Variants in PAX7 observed in about 807,000 individuals in gnomAD.
PAX7 encodes the protein paired box 7, also known as paired box protein Pax-7.
PAX7 carries 18 observed loss-of-function variants against 50.7 expected under a neutral mutation model. The observed-to-expected ratio is 0.36, with a 90% CI of 0.25 to 0.53. The LOEUF (loss-of-function observed/expected upper bound fraction) is 0.53, where lower values mean the gene tolerates loss of function less well. PAX7 is among the 20% of genes least tolerant of loss of function. The probability of loss-of-function intolerance (pLI) is 0.93; values close to 1 mark genes in which losing one functional copy is unlikely to be tolerated. For synonymous variants in PAX7, 310 were observed against 290.4 expected (o/e 1.07, Z -0.69); for missense variants, 644 against 702.9 (o/e 0.92, Z 0.95).
chr1:18,684,252 T>A (rs2088942236), intron 4 of PAX7, among the ~76,000 whole-genome samples: 1 of 152,134 alleles, frequency 6.6e-6, no homozygotes, highest in South Asian at 2.1e-4. Context: ...TCTCCTGGCC[T>A]CAGTGCTGGG....
chr1:18,707,403 CTTTTTTTCTTTCTTTTT>C (rs2089296551), intron 7 of PAX7, among the ~76,000 whole-genome samples: 1 of 102,936 alleles, frequency 9.7e-6, no homozygotes, highest in South Asian at 3.3e-4. Context: ...CTTTCCTTTT[CTTTTTTTCTTTCTTTTT>C]TTTTTTTTTT....
intron 7 of PAX7, among the ~76,000 whole-genome samples, chr1:18,732,052 T>C (rs1207213399): frequency 6.6e-6 from 1 of 152,226 alleles, no homozygotes; most frequent in Non-Finnish European, 1.5e-5. Flanking sequence ...CCTTTGCACT[T>C]GCTGACTTCT....
chr1:18,741,994 C>T (rs1233867214), intron 8 of PAX7, among the ~76,000 whole-genome samples: 8 of 152,084 alleles, frequency 5.3e-5, no homozygotes, highest in Admixed American at 2.6e-4. Flanking sequence ...CTGTAAGATG[C>T]GGATACCACC....
Position 18,634,517 on chromosome 1 carries a change from C to T in PAX7, c.300C>T (p.Ala100=). 1 of 1,613,964 alleles carries T rather than the reference C, an allele frequency of 6.2e-7. No individual in the cohort carries two copies. Among genetic ancestry groups the T allele is most frequent in the South Asian group, 1.1e-5 (1 of 91,082 alleles). The change falls in exon 2 of 9, where the codon GCC becomes GCT. Residue 100 remains alanine, a synonymous_variant. Transcript: ENST00000420770. The surrounding 1 kb of genome is among the most constrained non-coding windows in gnomAD (Gnocchi z 4.0). The stretch of plus-strand genomic sequence containing the variant: ...AGACCGGGTCCATCCGGCCTGGGGC[C>T]ATCGGCGGCAGCAAGCCCAGAGTGA... ...YQETGSIRPG[A]IGGSKPRQVA... is the part of the protein sequence containing the mutation.
Position 18,735,661 on chromosome 1 carries a change from G to T in PAX7, c.1185G>T (p.Ala395=), listed in dbSNP as rs138918372. 1.9e-6 allele frequency: 3 copies of T among 1,613,830 alleles called. No homozygotes were observed. Among genetic ancestry groups the T allele is most frequent in the South Asian group, 1.1e-5 (1 of 91,028 alleles). The change falls in exon 8 of 9, where the codon GCG becomes GCT. Residue 395 remains alanine, a synonymous_variant. Transcript: ENST00000420770. The surrounding 1 kb of genome is among the most constrained non-coding windows in gnomAD (Gnocchi z 4.0). Reference sequence around the variant, plus strand: ...TGAGCATCTTGGGCAACCCCAGTGCGGTGCCCCCGCAGCCACAGGCTGACT... The same window carrying T: ...TGAGCATCTTGGGCAACCCCAGTGCTGTGCCCCCGCAGCCACAGGCTGACT... ...QVMSILGNPS[A]VPPQPQADFS...
intron 8 of PAX7, among the ~76,000 whole-genome samples, chr1:18,744,539 A>G (rs1296259162): frequency 1.0e-5 from 1 of 97,072 alleles, no homozygotes; most frequent in African/African-American, 4.5e-5. Context: ...GGATAGATGG[A>G]CAGAATGGAT....
chr1:18,717,317 C>A (rs1017072712), intron 7 of PAX7, among the ~76,000 whole-genome samples: 4 of 152,168 alleles, frequency 2.6e-5, no homozygotes, highest in African/African-American at 7.2e-5. Flanking sequence ...GGGCAGGCGG[C>A]GAAGGGACGG....
intron 7 of PAX7, among the ~76,000 whole-genome samples, chr1:18,722,639 C>T (rs1314425493): frequency 5.9e-5 from 9 of 152,194 alleles, no homozygotes; most frequent in East Asian, 3.9e-4. Context: ...GGCGGCAGGG[C>T]GTCGACATAG....
chr1:18,692,766 G>C (rs979732031), intron 5 of PAX7, among the ~76,000 whole-genome samples: 1 of 152,230 alleles, frequency 6.6e-6, no homozygotes, highest in African/African-American at 2.4e-5. Context: ...AGATGCCTCA[G>C]GGCAGGGTGG....
At chr1:18,716,868 C>G (rs866717259) in intron 7 of PAX7, among the ~76,000 whole-genome samples, 14 of 151,286 alleles carry the variant, frequency 9.3e-5, no homozygotes, top group East Asian at 2.0e-4. Context: ...CCCTCTCCCC[C>G]ACCCCCGTGT....
rs549280757 is a variant in PAX7, at chr1:18,655,770, GGTGTGTGTGTGT to G, written c.586+19428_586+19439del. ...AGAGCCACTGGGGAGACTTGGAGAGGGTGTGTGTGTGTGTGTGTGTGTGTGTGTGTGTGTGTG... is the reference window on the plus strand; with the variant it reads ...AGAGCCACTGGGGAGACTTGGAGAGGGTGTGTGTGTGTGTGTGTGTGTGTG... On this transcript the variant is annotated intron_variant, in intron 4 of 8. Coordinates refer to ENST00000420770, the MANE Select transcript of PAX7 (RefSeq NM_001135254.2). 4.4e-3 allele frequency among the ~76,000 whole-genome samples: 635 copies of G among 143,664 alleles called. 8 individuals carry two copies. The highest frequency in any genetic ancestry group is 0.036 in the Admixed American group (522 of 14,508). The allele number at this position is 143,664 out of a possible 152,430, so 94.2% of individuals were successfully genotyped here.
intron 7 of PAX7, among the ~76,000 whole-genome samples, chr1:18,709,233 G>T (rs993141759): frequency 2.0e-5 from 3 of 152,064 alleles, no homozygotes; most frequent in East Asian, 1.9e-4. Context: ...CTTGGCTGGG[G>T]TCTGGAGGGC....
intron 7 of PAX7, among the ~76,000 whole-genome samples, chr1:18,725,341 G>C (rs537780858): frequency 1.4e-5 from 2 of 148,140 alleles, no homozygotes; most frequent in Non-Finnish European, 3.0e-5. Context: ...GGCCAGGGGG[G>C]CCTGAGAGCC....
At chr1:18,728,147 G>A (rs1053037749) in intron 7 of PAX7, among the ~76,000 whole-genome samples, 1 of 152,262 alleles carries the variant, frequency 6.6e-6, no homozygotes, top group Admixed American at 6.5e-5. Context: ...CTGGAGGAGG[G>A]TGAAGGGCGC....
intron 7 of PAX7, among the ~76,000 whole-genome samples, chr1:18,706,517 A>G (rs185888634): frequency 6.6e-5 from 9 of 137,140 alleles, no homozygotes; most frequent in Non-Finnish European, 1.2e-4. Context: ...GCTGGAGTGC[A>G]GTGGCGCGAT....
chr1:18,741,048 A>T (rs1490251449), intron 8 of PAX7, among the ~76,000 whole-genome samples: 1 of 152,206 alleles, frequency 6.6e-6, no homozygotes, highest in South Asian at 2.1e-4. Flanking sequence ...AGTTAGATAG[A>T]AGGAATAAGC....
intron 7 of PAX7, among the ~76,000 whole-genome samples, chr1:18,710,057 C>A (rs1022022077): frequency 6.6e-6 from 1 of 152,238 alleles, no homozygotes; most frequent in Non-Finnish European, 1.5e-5. Flanking sequence ...GGCCTCTGGG[C>A]AGCCAGTTCA....
At chr1:18,705,332 G>A (rs146784243) in intron 7 of PAX7, among the ~76,000 whole-genome samples, 13 of 152,266 alleles carry the variant, frequency 8.5e-5, no homozygotes, top group Non-Finnish European at 1.3e-4. Flanking sequence ...GGACACTGCC[G>A]AGATCCAAGC....
At chr1:18,691,388 G>A (rs909457963) in intron 4 of PAX7, among the ~76,000 whole-genome samples, 6 of 152,106 alleles carry the variant, frequency 3.9e-5, no homozygotes, top group Non-Finnish European at 7.4e-5. Flanking sequence ...ATCTCACCAC[G>A]AAACCATCCC....
Sources: gnomAD v4.1 joint callset for allele counts (sites outside exome capture counted in the v4.1 genomes callset) on GRCh38, gnomAD v4.1.1 for gene constraint, Gnocchi (gnomAD v3.1) non-coding constraint, MANE v1.5 for transcripts, NCBI Gene and HGNC (gene_info 2026-07-23, HGNC 2026-07-21) for gene names.